The following CFAP74 variants were observed in gnomAD, a reference collection of about 807,000 sequenced individuals.
CFAP74 encodes the protein cilia and flagella associated protein 74.
Under a neutral mutation model 188.9 loss-of-function variants are expected in CFAP74, and 124 were observed. That is an observed-to-expected ratio of 0.66 (90% CI 0.57 to 0.76). The LOEUF (loss-of-function observed/expected upper bound fraction) is 0.76, where lower values mean the gene tolerates loss of function less well. Among genes scored for constraint, CFAP74 ranks in the 30% least tolerant of loss-of-function variants. The pLI, the probability that CFAP74 is intolerant of heterozygous loss-of-function variation, is 0.00. For synonymous variants in CFAP74, 956 were observed against 916.7 expected, an observed-to-expected ratio of 1.04 and a Z score of -0.77; for missense variants, 2,198 against 2,165.2, an observed-to-expected ratio of 1.02 and a Z score of -0.30.
At chr1:1,940,239 T>G in intron 23 of CFAP74, 77 bp downstream of exon 23, 3 of 1,179,226 alleles carry the variant, frequency 2.5e-6, no homozygotes, top group Non-Finnish European at 3.6e-6. Flanking sequence ...CTCGCCCGGG[T>G]GCTGGGCCTG....
intron 25 of CFAP74, among the ~76,000 whole-genome samples, chr1:1,938,098 TACAC>T (rs1391827961): frequency 1.5e-5 from 2 of 132,104 alleles, no homozygotes; most frequent in South Asian, 2.5e-4. Context: ...CACTCAACCT[TACAC>T]ACCCACATAC....
At chr1:1,936,235 A>AAG (rs1425516714) in intron 25 of CFAP74, among the ~76,000 whole-genome samples, 197 of 149,538 alleles carry the variant, frequency 1.3e-3, no homozygotes, top group African/African-American at 4.6e-3. Context: ...AAAAAAAGAA[A>AAG]AAAAGAAAAG....
Position 1,923,663 on chromosome 1 carries a change from C to A in CFAP74, c.4389+112G>T. ...GACGGCCCTCAGTGTGGTGCTGAGT[C>A]CCCCAGCCATGGTACCCTCAGGGCC... On this transcript the variant is annotated intron_variant, in intron 35 of 38. Transcript: ENST00000682832. This position sits in a 1 kb window ranked among gnomAD's most constrained non-coding sequence, Gnocchi z 6.3. 6.4e-7 allele frequency: 1 copy of A among 1,550,472 alleles called. No homozygotes were observed. The highest frequency in any genetic ancestry group is 1.7e-5 in the Admixed American group (1 of 57,732).
chr1:1,957,660 C>T (rs1226528449), intron 16 of CFAP74, among the ~76,000 whole-genome samples: 1 of 152,186 alleles, frequency 6.6e-6, no homozygotes, highest in African/African-American at 2.4e-5. Flanking sequence ...CCTGGGGCCT[C>T]GCCGGGCACG....
At position 1,987,195 on chromosome 1, in the gene CFAP74, A is replaced by C. The variant is rs139776585; in HGVS notation, c.297-160T>G. Among the ~76,000 whole-genome samples the C allele has an allele frequency of 6.7e-3, 1,014 of 152,354 alleles. 9 individuals are homozygous for C. Among genetic ancestry groups the C allele is most frequent in the African/African-American group, 0.023 (970 of 41,588 alleles). On this transcript the variant is annotated intron_variant, in intron 4 of 38. Coordinates refer to ENST00000682832, the MANE Select transcript of CFAP74 (RefSeq NM_001304360.2). ...TCTAACACCTTCAAGCCACACAAGC[A>C]GGGTCTTGTCGTCCATTTTTGGAAA...
intron 14 of CFAP74, among the ~76,000 whole-genome samples, chr1:1,960,377 G>A (rs1042170809): frequency 9.2e-5 from 14 of 152,264 alleles, no homozygotes; most frequent in African/African-American, 1.4e-4. Flanking sequence ...GCCTGGGACC[G>A]GGGCTCTAGG....
chr1:1,998,395 A>C (rs7532529), intron 1 of CFAP74, among the ~76,000 whole-genome samples: 51,883 of 151,988 alleles, frequency 0.34, 9,809 homozygotes, highest in African/African-American at 0.51. Context: ...GAAATGATAT[A>C]TCGCCTGGGA....
chr1:1,954,882 C>A (rs921200202), intron 18 of CFAP74: 9 of 1,155,604 alleles, frequency 7.8e-6, no homozygotes, highest in Non-Finnish European at 9.7e-6. Flanking sequence ...GGAACTCACA[C>A]ACAGGCCAAG....
intron 13 of CFAP74, 32 bp downstream of exon 13, chr1:1,964,856 C>G: frequency 6.2e-7 from 1 of 1,612,374 alleles, no homozygotes; most frequent in Non-Finnish European, 8.5e-7. Flanking sequence ...GTGCTGCTGC[C>G]CGTCCCGTTC....
intron 25 of CFAP74, among the ~76,000 whole-genome samples, chr1:1,932,086 ACAAAAAAC>A (rs1652444524): frequency 2.2e-5 from 1 of 45,686 alleles, no homozygotes. Context: ...AAAACAAAAA[ACAAAAAAC>A]AAAAAACTTA....
At position 1,955,657 on chromosome 1, in the gene CFAP74, G is replaced by A. The variant is rs562842260; in HGVS notation, c.2176+34C>T. On this transcript the variant is annotated intron_variant, in intron 18 of 38. Coordinates refer to ENST00000682832, the MANE Select transcript of CFAP74 (RefSeq NM_001304360.2). The stretch of plus-strand genomic sequence containing the variant: ...TGCTGCCCTGAGGCCCTCACCGCCC[G>A]CCCACCCTGGCTTGGCCTGGCAGCC... 10 of 1,595,102 alleles carry A rather than the reference G, an allele frequency of 6.3e-6. No individual in the cohort carries two copies. Among genetic ancestry groups the A allele is most frequent in the African/African-American group, 5.5e-5 (4 of 73,198 alleles).
intron 9 of CFAP74, among the ~76,000 whole-genome samples, chr1:1,971,277 GCA>G (rs112242281): frequency 0.1 from 14,731 of 145,878 alleles, 2,164 homozygotes; most frequent in African/African-American, 0.34. Flanking sequence ...ATGCAAACCT[GCA>G]CACACGTGCA....
rs1460973510 is a variant in CFAP74 at position 1,942,030 on chromosome 1, C to T, written c.2613G>A (p.Pro871=). 88 of 1,499,044 alleles carry T rather than the reference C, an allele frequency of 5.9e-5. No homozygotes were observed. Among genetic ancestry groups the T allele is most frequent in the Admixed American group, 6.8e-5 (3 of 44,178 alleles). 92.9% of individuals were successfully genotyped at this position (1,499,044 alleles called of 1,614,324 possible). The part of the protein sequence containing the change: ...SSYSVQLKFL[P]RHSLPEDAGR... ...GGCCTTGGCGTCCTGGCACCTACCG[C>T]GGCAGGAACTTGAGCTGCACGGAGT... The change falls in exon 22 of 39, where the codon CCG becomes CCA. Residue 871 remains proline, a splice_region_variant and synonymous_variant. Coordinates refer to ENST00000682832, the MANE Select transcript of CFAP74 (RefSeq NM_001304360.2). The surrounding 1 kb of genome is among the most constrained non-coding windows in gnomAD (Gnocchi z 4.3).
intron 22 of CFAP74, 145 bp from the exon 23 acceptor site, chr1:1,940,548 C>A: frequency 1.6e-6 from 1 of 610,062 alleles, no homozygotes; most frequent in Non-Finnish European, 2.8e-6. Flanking sequence ...TCGCGCCGCC[C>A]TCCTGCTCTC....
At position 1,973,367 on chromosome 1, in the gene CFAP74, C is replaced by T. The variant is rs1298158977; in HGVS notation, c.675-320G>A. Among the ~76,000 whole-genome samples the T allele has an allele frequency of 6.6e-6, 1 of 151,766 alleles. No individual in the cohort carries two copies. The highest frequency in any genetic ancestry group is 1.5e-5 in the Non-Finnish European group (1 of 67,908). Reference sequence around the variant, plus strand: ...GCTGTGGGGAGGGAGGAGGCAGGGGCTGGGGACCTTGTGTCTGCAGCCAGG... The same window carrying T: ...GCTGTGGGGAGGGAGGAGGCAGGGGTTGGGGACCTTGTGTCTGCAGCCAGG... On this transcript the variant is annotated intron_variant, in intron 7 of 38. Coordinates refer to ENST00000682832, the MANE Select transcript of CFAP74 (RefSeq NM_001304360.2). This position sits in a 1 kb window ranked among gnomAD's most constrained non-coding sequence, Gnocchi z 6.2.
intron 1 of CFAP74, among the ~76,000 whole-genome samples, chr1:1,996,016 ACT>A (rs746432571): frequency 6.6e-6 from 1 of 151,994 alleles, no homozygotes; most frequent in Non-Finnish European, 1.5e-5. Flanking sequence ...GCAGAGTCTC[ACT>A]CTGTCGCCCA....
chr1:1,968,921 AG>A lies in CFAP74; in HGVS notation c.1047-89del, dbSNP rs2102074657. ...AGACAGTGCCCGGCGGCCCCTCCCT[AG>A]CGCCCTCCTGGGGGCTCCGGTCCTG... On this transcript the variant is annotated intron_variant, in intron 10 of 38. Coordinates refer to ENST00000682832, the MANE Select transcript of CFAP74 (RefSeq NM_001304360.2). The surrounding 1 kb of genome is among the most constrained non-coding windows in gnomAD (Gnocchi z 4.3). 6 of 1,257,820 alleles carry A rather than the reference AG, an allele frequency of 4.8e-6. No individual in the cohort carries two copies. The highest frequency in any genetic ancestry group is 6.7e-6 in the Non-Finnish European group (6 of 893,584). The allele number at this position is 1,257,820 out of a possible 1,614,324, so 77.9% of individuals were successfully genotyped here.
intron 22 of CFAP74, among the ~76,000 whole-genome samples, 180 bp downstream of exon 22, chr1:1,941,848 C>G (rs781207572): frequency 6.6e-6 from 1 of 152,338 alleles, no homozygotes; most frequent in East Asian, 1.9e-4. Flanking sequence ...GCAACCAAAA[C>G]GGACCACAGA....
At position 1,986,141 on chromosome 1, in the gene CFAP74, T is replaced by C. The variant is rs544566280; in HGVS notation, c.396-651A>G. Among the ~76,000 whole-genome samples, 124 of 152,108 alleles carry C rather than the reference T, an allele frequency of 8.2e-4. 1 individual carries two copies. Among genetic ancestry groups the C allele is most frequent in the South Asian group, 6.2e-3 (30 of 4,816 alleles). ...GGCTCACGCCTGTAATTCCAGCAATTTGGGAGGCCGAGGCGGGTGGATCAC... is the reference window on the plus strand; with the variant it reads ...GGCTCACGCCTGTAATTCCAGCAATCTGGGAGGCCGAGGCGGGTGGATCAC... On this transcript the variant is annotated intron_variant, in intron 5 of 38. Coordinates refer to ENST00000682832, the MANE Select transcript of CFAP74 (RefSeq NM_001304360.2).
Sources: gnomAD v4.1 joint callset for allele counts (sites outside exome capture counted in the v4.1 genomes callset) on GRCh38, gnomAD v4.1.1 for gene constraint, Gnocchi (gnomAD v3.1) non-coding constraint, MANE v1.5 for transcripts, NCBI Gene and HGNC (gene_info 2026-07-23, HGNC 2026-07-21) for gene names.